Variants in BCAS1 observed in about 807,000 individuals in gnomAD.
BCAS1 encodes the protein brain enriched myelin associated protein 1.
A neutral mutation model predicts 65.4 loss-of-function variants in BCAS1; 46 were observed. The ratio of observed to expected loss-of-function variants is 0.70; its 90% CI spans 0.55 to 0.90. The LOEUF (loss-of-function observed/expected upper bound fraction) is 0.90, where lower values mean the gene tolerates loss of function less well. BCAS1 is among the 40% of genes least tolerant of loss of function. BCAS1 has a pLI of 0.00. For synonymous variants in BCAS1, 298 were observed against 293.5 expected, an observed-to-expected ratio of 1.02 and a Z score of -0.16; for missense variants, 793 against 771.2, an observed-to-expected ratio of 1.03 and a Z score of -0.33.
intron 2 of BCAS1, 138 bp from the exon 3 acceptor site, chr20:54,058,292 A>G: frequency 1.2e-6 from 1 of 809,986 alleles, no homozygotes; most frequent in Admixed American, 2.2e-5. Flanking sequence ...GAAACTCCCC[A>G]GTTTTCTATC....
At position 54,058,064 on chromosome 20, in the gene BCAS1, C is replaced by T. The variant is rs528024707; in HGVS notation, c.142+21G>A. On this transcript the variant is annotated intron_variant, in intron 3 of 12. Coordinates refer to ENST00000688948, the MANE Select transcript of BCAS1 (RefSeq NM_001366298.2). Reference sequence around the variant, plus strand: ...CCCTTCCCCACGAGAGGGTAGATGCCCTTCCCAGAGTAGCACTGACCTTCC... The same window carrying T: ...CCCTTCCCCACGAGAGGGTAGATGCTCTTCCCAGAGTAGCACTGACCTTCC... 1.9e-6 allele frequency: 3 copies of T among 1,602,522 alleles called. No individual in the cohort carries two copies. The East Asian group carries it at 6.7e-5, about 36-fold the overall frequency.
intron 3 of BCAS1, among the ~76,000 whole-genome samples, chr20:54,034,702 T>A (rs1337796109): frequency 6.6e-6 from 1 of 151,354 alleles, no homozygotes; most frequent in African/African-American, 2.4e-5. Context: ...AAAATGGCCA[T>A]ATTGCCCAGA....
chr20:54,053,946 G>A (rs1462845194), intron 3 of BCAS1, among the ~76,000 whole-genome samples: 4 of 152,150 alleles, frequency 2.6e-5, no homozygotes, highest in Non-Finnish European at 4.4e-5. Context: ...CCTGAGACTG[G>A]GTAATTTATA....
chr20:54,007,061 G>A (rs1161543887), intron 4 of BCAS1, among the ~76,000 whole-genome samples: 1 of 152,160 alleles, frequency 6.6e-6, no homozygotes, highest in African/African-American at 2.4e-5. Context: ...TTGGCGTGGA[G>A]GCAAGGAGGT....
chr20:54,058,634 G>T lies in BCAS1; in HGVS notation c.72+13C>A. 6.5e-7 allele frequency: 1 copy of T among 1,535,532 alleles called. No homozygotes were observed. The highest frequency in any genetic ancestry group is 2.3e-5 in the East Asian group (1 of 42,788). On this transcript the variant is annotated intron_variant, in intron 2 of 12. Coordinates refer to ENST00000688948, the MANE Select transcript of BCAS1 (RefSeq NM_001366298.2). Reference sequence around the variant, plus strand: ...TTTTTCTGCTGATGCCCCTGTAATGGTTACTACACTACCTGGTAAGTCTCT... The same window carrying T: ...TTTTTCTGCTGATGCCCCTGTAATGTTTACTACACTACCTGGTAAGTCTCT...
intron 4 of BCAS1, among the ~76,000 whole-genome samples, chr20:54,001,002 TCC>T (rs2145886048): frequency 6.6e-6 from 1 of 152,366 alleles, no homozygotes; most frequent in Non-Finnish European, 1.5e-5. Flanking sequence ...CTTCTTTGCT[TCC>T]CTGGTAATTT....
intron 3 of BCAS1, among the ~76,000 whole-genome samples, chr20:54,049,787 C>T (rs1430797984): frequency 6.6e-6 from 1 of 152,040 alleles, no homozygotes; most frequent in African/African-American, 2.4e-5. Context: ...TTTAGAGCTC[C>T]CCTACAAAGT....
At chr20:54,012,840 C>G (rs1282516461) in intron 4 of BCAS1, among the ~76,000 whole-genome samples, 1 of 151,502 alleles carries the variant, frequency 6.6e-6, no homozygotes, top group African/African-American at 2.5e-5. Flanking sequence ...TGCCTAAGGT[C>G]ATAAAGTAGA....
intron 10 of BCAS1, among the ~76,000 whole-genome samples, chr20:53,957,894 T>C (rs959305080): frequency 4.0e-4 from 59 of 147,206 alleles, no homozygotes; most frequent in Non-Finnish European, 6.5e-4. Context: ...TTTTTTTTTT[T>C]TTCTCTCCTT....
intron 5 of BCAS1, 80 bp downstream of exon 5, chr20:53,995,812 A>T: frequency 7.1e-7 from 1 of 1,413,764 alleles, no homozygotes; most frequent in Non-Finnish European, 9.6e-7. Context: ...GTACAATAAC[A>T]TTCAAATGTG....
At chr20:54,025,383 T>A (rs2091649162) in intron 4 of BCAS1, among the ~76,000 whole-genome samples, 1 of 152,190 alleles carries the variant, frequency 6.6e-6, no homozygotes, top group Admixed American at 6.5e-5. Flanking sequence ...GAATCACAGC[T>A]CAGTGAAACC....
At chr20:54,064,300 T>C (rs942215242) in intron 1 of BCAS1, among the ~76,000 whole-genome samples, 1 of 152,098 alleles carries the variant, frequency 6.6e-6, no homozygotes, top group Non-Finnish European at 1.5e-5. Context: ...ATTTCTGGGG[T>C]GAGTGAGTGA....
At chr20:53,958,680 C>T (rs371518284) in intron 10 of BCAS1, among the ~76,000 whole-genome samples, 61 of 152,286 alleles carry the variant, frequency 4.0e-4, no homozygotes, top group Middle Eastern at 3.4e-3. Context: ...TAGTGGAGTG[C>T]TTACTAAGTG....
intron 4 of BCAS1, among the ~76,000 whole-genome samples, chr20:54,004,202 C>T (rs1412655154): frequency 6.6e-6 from 1 of 152,090 alleles, no homozygotes; most frequent in Non-Finnish European, 1.5e-5. Flanking sequence ...AAAAGAGACC[C>T]CAGCGAGCGT....
At chr20:53,981,016 G>A (rs1410598952) in intron 8 of BCAS1, among the ~76,000 whole-genome samples, 1 of 152,172 alleles carries the variant, frequency 6.6e-6, no homozygotes, top group Non-Finnish European at 1.5e-5. Flanking sequence ...CTAAGAATGG[G>A]GAGCTAAACA....
At chr20:54,058,789 T>A in intron 1 of BCAS1, 66 bp from the exon 2 acceptor site, 1 of 1,586,980 alleles carries the variant, frequency 6.3e-7, no homozygotes, top group Non-Finnish European at 8.6e-7. Context: ...CATGTGCTAC[T>A]AAGGTGCAGA....
At position 53,994,882 on chromosome 20, in the gene BCAS1, A is replaced by C. The variant is rs548229851; in HGVS notation, c.927+130T>G. 6.8e-4 allele frequency: 330 copies of C among 488,650 alleles called. 4 individuals are homozygous for C. The East Asian group carries it at 0.019, about 28-fold the overall frequency. 30.3% of individuals were successfully genotyped at this position (488,650 alleles called of 1,614,324 possible). ...CTATTAAATTGCTAATTATATATAG[A>C]TATGATACACACACACACACACACA... On this transcript the variant is annotated intron_variant, in intron 6 of 12. Transcript: ENST00000688948.
chr20:54,050,774 CTG>C (rs2092198152), intron 3 of BCAS1, among the ~76,000 whole-genome samples: 1 of 152,164 alleles, frequency 6.6e-6, no homozygotes, highest in Admixed American at 6.5e-5. Flanking sequence ...GAAGATGACT[CTG>C]GGGTCCCCCT....
At chr20:54,006,514 A>C (rs2145924104) in intron 4 of BCAS1, among the ~76,000 whole-genome samples, 1 of 152,306 alleles carries the variant, frequency 6.6e-6, no homozygotes, top group South Asian at 2.1e-4. Context: ...GTTCAAGACC[A>C]GCCTGGCCAA....
Sources: allele counts gnomAD v4.1 joint callset (sites outside exome capture counted in the v4.1 genomes callset), GRCh38; gene constraint gnomAD v4.1.1; transcripts MANE v1.5; gene names NCBI Gene and HGNC (gene_info 2026-07-23, HGNC 2026-07-21).